Variants in ALMS1 observed in about 807,000 individuals in gnomAD.
ALMS1 encodes centrosome-associated protein ALMS1.
Under a neutral mutation model 352.2 loss-of-function variants are expected in ALMS1, and 271 were observed. The observed-to-expected ratio is 0.77, with a 90% CI of 0.70 to 0.85. The LOEUF (loss-of-function observed/expected upper bound fraction) is 0.85. Among genes scored for constraint, ALMS1 ranks in the 40% least tolerant of loss-of-function variants. The pLI is 0.00. For missense variants in ALMS1, 5,445 were observed against 4,870.7 expected, an observed-to-expected ratio of 1.12 and a Z score of -3.51; for synonymous variants, 1,865 against 1,761.2, an observed-to-expected ratio of 1.06 and a Z score of -1.48.
At chr2:73,563,541 T>C (rs558299125) in intron 15 of ALMS1, among the ~76,000 whole-genome samples, 151 of 151,748 alleles carry the variant, frequency 1.0e-3, no homozygotes, top group African/African-American at 3.5e-3. Context: ...GCTAACATGG[T>C]GGAACCCCGT....
chr2:73,450,530 TCACA>T lies in ALMS1; in HGVS notation c.4008_4011del (p.His1336GlnfsTer22). 6.2e-7 allele frequency: 1 copy of T among 1,612,120 alleles called. No individual in the cohort carries two copies. Among genetic ancestry groups the T allele is most frequent in the Non-Finnish European group, 8.5e-7 (1 of 1,179,732 alleles). On this transcript the variant is annotated frameshift_variant, in exon 8 of 23. Coordinates refer to ENST00000613296, the MANE Select transcript of ALMS1 (RefSeq NM_001378454.1). LOFTEE classifies it high-confidence loss of function. ...ACCAATTTTACCCTCTACTTTCTAC[TCACA>T]CACAGAGAAGCCTGGTGTTTTCTAC...
At position 73,518,357 on chromosome 2, in the gene ALMS1, A is replaced by G. The variant is rs1219763492; in HGVS notation, c.9540-1418A>G. 2.0e-5 allele frequency among the ~76,000 whole-genome samples: 3 copies of G among 152,122 alleles called. No individual in the cohort carries two copies. The East Asian group carries it at 5.8e-4, about 29-fold the overall frequency. On this transcript the variant is annotated intron_variant, in intron 10 of 22. Transcript: ENST00000613296. Reference sequence around the variant, plus strand: ...TAAGTGTACCACATTTTCTTTATCCAGTCTGTCATTTATGGGGCATTTAGG... The same window carrying G: ...TAAGTGTACCACATTTTCTTTATCCGGTCTGTCATTTATGGGGCATTTAGG...
intron 6 of ALMS1, among the ~76,000 whole-genome samples, chr2:73,428,809 C>T (rs1418066892): frequency 2.0e-5 from 3 of 152,188 alleles, no homozygotes; most frequent in Non-Finnish European, 4.4e-5. Flanking sequence ...AGTACTTTTT[C>T]TGCATGGCTT....
At chr2:73,602,548 A>C (rs1410855886) in intron 20 of ALMS1, among the ~76,000 whole-genome samples, 180 bp downstream of exon 20, 1 of 152,214 alleles carries the variant, frequency 6.6e-6, no homozygotes. Flanking sequence ...CCGTCAGCAC[A>C]TTCATGATCC....
At chr2:73,465,554 A>G (rs1016271099) in intron 9 of ALMS1, among the ~76,000 whole-genome samples, 1 of 152,210 alleles carries the variant, frequency 6.6e-6, no homozygotes, top group African/African-American at 2.4e-5. Flanking sequence ...AACCTAGGCA[A>G]TACCATTCAG....
rs139655911 is a variant in ALMS1, at chr2:73,413,968, A to T, written c.451-5155A>T. ...AAAATCAGGTTGTGTGATTTTTCCC[A>T]CTTTGTTCCTCTTTTTAAAAATTGA... On this transcript the variant is annotated intron_variant, in intron 2 of 22. Coordinates refer to ENST00000613296, the MANE Select transcript of ALMS1 (RefSeq NM_001378454.1). Among the ~76,000 whole-genome samples, 90 of 152,240 alleles carry T rather than the reference A, an allele frequency of 5.9e-4. 2 individuals carry two copies. The East Asian group carries it at 0.012, about 20-fold the overall frequency.
chr2:73,515,687 C>T (rs1240619166), intron 10 of ALMS1, among the ~76,000 whole-genome samples: 6 of 150,884 alleles, frequency 4.0e-5, no homozygotes, highest in Non-Finnish European at 7.4e-5. Flanking sequence ...AGACCACTAA[C>T]TAAATTGTTA....
At chr2:73,476,955 A>G (rs578244181) in intron 9 of ALMS1, among the ~76,000 whole-genome samples, 3 of 152,278 alleles carry the variant, frequency 2.0e-5, no homozygotes, top group African/African-American at 7.2e-5. Flanking sequence ...TTCCTATGGT[A>G]TTCAGTACAT....
In ALMS1 at chr2:73,452,559, T is replaced by G. The variant is rs777504014; in HGVS notation, c.6032T>G (p.Phe2011Cys). The G allele has an allele frequency of 6.2e-7, 1 of 1,614,036 alleles. No homozygotes were observed. The highest frequency in any genetic ancestry group is 8.5e-7 in the Non-Finnish European group (1 of 1,179,980). The change falls in exon 8 of 23, where the codon TTT becomes TGT. Residue 2011 changes from phenylalanine to cysteine, a missense_variant. Coordinates refer to ENST00000613296, the MANE Select transcript of ALMS1 (RefSeq NM_001378454.1). Reference protein sequence around the residue: ...VHIPDDQKTEFPAATLSSYSQ... With the variant: ...VHIPDDQKTECPAATLSSYSQ... ...ATACCAGATGACCAGAAAACTGAGT[T>G]TCCAGCAGCTACCCTTAGTTCCTAC...
At chr2:73,389,682 A>G (rs1670603208) in intron 1 of ALMS1, among the ~76,000 whole-genome samples, 1 of 152,032 alleles carries the variant, frequency 6.6e-6, no homozygotes, top group Admixed American at 6.6e-5. Flanking sequence ...CTGTTTAATA[A>G]TGAACTATCT....
chr2:73,409,373 A>ATT (rs1222332410), intron 2 of ALMS1, among the ~76,000 whole-genome samples: 1 of 152,036 alleles, frequency 6.6e-6, no homozygotes, highest in East Asian at 1.9e-4. Context: ...TCGGCCTCCT[A>ATT]AAACTATGAG....
chr2:73,515,498 A>T (rs1319809208), intron 10 of ALMS1, among the ~76,000 whole-genome samples: 3 of 152,074 alleles, frequency 2.0e-5, no homozygotes, highest in Admixed American at 1.3e-4. Context: ...GATAATAGAG[A>T]TTGAGGGTAT....
intron 19 of ALMS1, 33 bp downstream of exon 19, chr2:73,601,469 G>T (rs28730864): frequency 5.6e-6 from 9 of 1,609,854 alleles, no homozygotes; most frequent in South Asian, 5.5e-5. Flanking sequence ...TTAATGCTAC[G>T]TGTAGGGAGA....
At chr2:73,503,103 AT>A (rs1029882608) in intron 10 of ALMS1, among the ~76,000 whole-genome samples, 7 of 151,234 alleles carry the variant, frequency 4.6e-5, no homozygotes, top group African/African-American at 1.7e-4. Context: ...TTTTATTTTT[AT>A]TTTTTTATAA....
intron 9 of ALMS1, among the ~76,000 whole-genome samples, chr2:73,476,796 T>C (rs1050377232): frequency 3.3e-5 from 5 of 152,108 alleles, no homozygotes; most frequent in Non-Finnish European, 7.4e-5. Context: ...AAGTGTCCTT[T>C]ATATGTTCTG....
At chr2:73,480,059 T>A (rs1360251821) in intron 9 of ALMS1, among the ~76,000 whole-genome samples, 1 of 151,742 alleles carries the variant, frequency 6.6e-6, no homozygotes, top group Non-Finnish European at 1.5e-5. Flanking sequence ...TTTCTTTTTT[T>A]ATTTTTATTT....
In ALMS1 at chr2:73,449,010, G is replaced by C. The variant is rs1460256432; in HGVS notation, c.2483G>C (p.Ser828Thr). ...TTCTACCAACAGGCCTTGCTGGACAGCCATCTACCCGAAGAGGCTCTGAAA... is the reference window on the plus strand; with the variant it reads ...TTCTACCAACAGGCCTTGCTGGACACCCATCTACCCGAAGAGGCTCTGAAA... ...LVFYQQALLD[S>T]HLPEEALKVS... The change falls in exon 8 of 23, where the codon AGC (serine) becomes ACC (threonine). Residue 828 changes from serine to threonine, a missense_variant. Physicochemically the swap from Ser to Thr is moderately conservative, Grantham distance 58 (BLOSUM62 1). Coordinates refer to ENST00000613296, the MANE Select transcript of ALMS1 (RefSeq NM_001378454.1). 1.9e-6 allele frequency: 3 copies of C among 1,613,702 alleles called. No individual in the cohort carries two copies. In the South Asian group the frequency reaches 3.3e-5, roughly 18 times the overall value.
chr2:73,401,681 CT>C (rs530310149), intron 1 of ALMS1, among the ~76,000 whole-genome samples: 225 of 143,130 alleles, frequency 1.6e-3, no homozygotes, highest in Middle Eastern at 7.0e-3. Context: ...TAGTTACTGC[CT>C]TTTTTTTTTT....
chr2:73,453,582 AG>A lies in ALMS1; in HGVS notation c.7056del (p.Glu2352AspfsTer23), dbSNP rs1373970600. On this transcript the variant is annotated frameshift_variant, in exon 8 of 23. Transcript: ENST00000613296. LOFTEE classifies it high-confidence loss of function. ...LKCRRGIENW[E>X]FISSTTVRSP... ...TGCCGGAGAGGCATTGAAAATTGGG[AG>A]TTTATTAGTTCAACTACAGTTAGAA... is the stretch of plus-strand genomic sequence containing the variant. The A allele has an allele frequency of 6.2e-7, 1 of 1,613,898 alleles. No individual in the cohort carries two copies.
Sources: allele counts gnomAD v4.1 joint callset (sites outside exome capture counted in the v4.1 genomes callset), GRCh38; gene constraint gnomAD v4.1.1; transcripts MANE v1.5; gene names NCBI Gene and HGNC (gene_info 2026-07-23, HGNC 2026-07-21).